FBXL13: variants seen among roughly 807,000 people sequenced by gnomAD.
FBXL13 encodes the protein F-box and leucine-rich repeat protein 13.
In FBXL13, 67 loss-of-function variants were observed where a neutral mutation model predicts 83.6. That is an observed-to-expected ratio of 0.80 (90% CI 0.66 to 0.98). The LOEUF is 0.98. Ranked by LOEUF, FBXL13 falls within the 50% of genes least tolerant of loss-of-function variation. The pLI, the probability that FBXL13 is intolerant of heterozygous loss-of-function variation, is 0.00. For synonymous variants in FBXL13, 272 were observed against 299.5 expected (o/e 0.91, Z 0.95); for missense variants, 822 against 866.5 (o/e 0.95, Z 0.64).
At chr7:102,831,304 G>A (rs1800623426) in intron 18 of FBXL13, among the ~76,000 whole-genome samples, 1 of 152,000 alleles carries the variant, frequency 6.6e-6, no homozygotes, top group Non-Finnish European at 1.5e-5. Flanking sequence ...CAGAGAACAT[G>A]TGGTAAGGTC....
chr7:102,964,773 T>C (rs1435847633), intron 7 of FBXL13, among the ~76,000 whole-genome samples: 2 of 152,198 alleles, frequency 1.3e-5, no homozygotes, highest in East Asian at 1.9e-4. Flanking sequence ...ATTCTGCCGA[T>C]GTAATCATAC....
chr7:102,990,187 G>A (rs957686715), intron 6 of FBXL13, among the ~76,000 whole-genome samples: 8 of 152,214 alleles, frequency 5.3e-5, no homozygotes, highest in Non-Finnish European at 7.3e-5. Flanking sequence ...TAGTAAGAAT[G>A]TAGGGCAAAG....
At chr7:102,850,322 CCTT>C (rs1331506118) in intron 17 of FBXL13, among the ~76,000 whole-genome samples, 2 of 152,066 alleles carry the variant, frequency 1.3e-5, no homozygotes, top group African/African-American at 2.4e-5. Context: ...GGCCAATACT[CCTT>C]CATCCCAAGG....
chr7:103,019,831 A>C (rs1047602859), intron 6 of FBXL13, among the ~76,000 whole-genome samples: 2 of 152,198 alleles, frequency 1.3e-5, no homozygotes, highest in Non-Finnish European at 2.9e-5. Context: ...GCAATAATTA[A>C]AAGCCTACCA....
At chr7:102,882,920 A>G (rs558166448) in intron 14 of FBXL13, among the ~76,000 whole-genome samples, 4 of 152,140 alleles carry the variant, frequency 2.6e-5, no homozygotes, top group Non-Finnish European at 5.9e-5. Context: ...GGAAAAATCT[A>G]TCCAGTACCC....
chr7:102,926,451 C>T (rs1818154326), intron 9 of FBXL13, 77 bp from the exon 11 acceptor site: 1 of 1,114,028 alleles, frequency 9.0e-7, no homozygotes, highest in Admixed American at 2.4e-5. Context: ...TTCTATTATC[C>T]CTCTTCCTGT....
At chr7:102,823,286 T>C (rs1242245237) in intron 18 of FBXL13, among the ~76,000 whole-genome samples, 1 of 152,204 alleles carries the variant, frequency 6.6e-6, no homozygotes, top group Non-Finnish European at 1.5e-5. Context: ...TAACATTACA[T>C]GCTACAAAAC....
intron 16 of FBXL13, among the ~76,000 whole-genome samples, chr7:102,866,770 T>G (rs1399914534): frequency 1.3e-5 from 2 of 152,142 alleles, no homozygotes; most frequent in Non-Finnish European, 2.9e-5. Flanking sequence ...AAGACTTAAG[T>G]GTTTGGTTAA....
At chr7:102,894,209 G>A (rs1392883363) in intron 11 of FBXL13, among the ~76,000 whole-genome samples, 2 of 152,122 alleles carry the variant, frequency 1.3e-5, no homozygotes, top group African/African-American at 4.8e-5. Flanking sequence ...GGAGAAGGTT[G>A]GAATTTATGT....
intron 8 of FBXL13, among the ~76,000 whole-genome samples, chr7:102,950,718 T>C (rs1248039079): frequency 6.6e-6 from 1 of 152,158 alleles, no homozygotes. Context: ...TAAAGGAAAT[T>C]TAATTGCACA....
At chr7:102,829,331 G>A (rs924944054) in intron 18 of FBXL13, among the ~76,000 whole-genome samples, 1 of 152,128 alleles carries the variant, frequency 6.6e-6, no homozygotes, top group Non-Finnish European at 1.5e-5. Context: ...CAGACAAGTT[G>A]GTAATCAGTG....
At chr7:102,986,026 C>CA (rs1394909985) in intron 6 of FBXL13, among the ~76,000 whole-genome samples, 1 of 151,890 alleles carries the variant, frequency 6.6e-6, no homozygotes, top group South Asian at 2.1e-4. Flanking sequence ...TGCCCCCCCC[C>CA]CATCAATACA....
At chr7:103,040,594 T>A (rs1031384812) in intron 2 of FBXL13, among the ~76,000 whole-genome samples, 1 of 152,154 alleles carries the variant, frequency 6.6e-6, no homozygotes, top group Non-Finnish European at 1.5e-5. Context: ...CCTCACCAGA[T>A]GTAAAAGAAC....
At chr7:103,024,528 C>CAAAAAAAAAA (rs11318355) in intron 6 of FBXL13, among the ~76,000 whole-genome samples, 1 of 46,788 alleles carries the variant, frequency 2.1e-5, no homozygotes, top group Non-Finnish European at 3.8e-5. Context: ...AACTCCATCT[C>CAAAAAAAAAA]AAAAAAAAAA....
At chr7:102,934,304 C>G (rs756216285) in intron 8 of FBXL13, 1 of 1,614,128 alleles carries the variant, frequency 6.2e-7, no homozygotes, top group Non-Finnish European at 8.5e-7. Flanking sequence ...TTTAAACAAA[C>G]TCACCACCCT....
At chr7:102,998,597 T>C (rs1196440836) in intron 6 of FBXL13, among the ~76,000 whole-genome samples, 3 of 152,136 alleles carry the variant, frequency 2.0e-5, no homozygotes, top group African/African-American at 7.2e-5. Context: ...AATATGCCGA[T>C]TTTTTTATCC....
chr7:102,886,419 C>T (rs6973081), intron 11 of FBXL13, among the ~76,000 whole-genome samples: 20,917 of 152,112 alleles, frequency 0.14, 1,609 homozygotes, highest in East Asian at 0.3. Flanking sequence ...AGAGCCTCCA[C>T]CTATTCAGAA....
At chr7:102,920,977 C>A (rs1204412139) in intron 10 of FBXL13, among the ~76,000 whole-genome samples, 2 of 151,946 alleles carry the variant, frequency 1.3e-5, no homozygotes, top group African/African-American at 4.8e-5. Flanking sequence ...CATGATGAAA[C>A]CCTGTCGCTA....
exon 18 of FBXL13, chr7:102,832,958 G>A (rs1312377149): frequency 6.2e-7 from 1 of 1,614,010 alleles, no homozygotes; most frequent in Non-Finnish European, 8.5e-7. Flanking sequence ...CAAGATCAGT[G>A]AGCTTTTGCA....
Sources: allele counts gnomAD v4.1 joint callset (sites outside exome capture counted in the v4.1 genomes callset), GRCh38; gene constraint gnomAD v4.1.1; transcripts MANE v1.5; gene names NCBI Gene and HGNC (gene_info 2026-07-23, HGNC 2026-07-21).